Variants in KLHL1 observed in about 807,000 individuals in gnomAD.
KLHL1 encodes the protein kelch like family member 1.
A neutral mutation model predicts 77.7 loss-of-function variants in KLHL1; 47 were observed. The observed-to-expected ratio is 0.60, with a 90% CI of 0.48 to 0.77. The LOEUF (loss-of-function observed/expected upper bound fraction) is 0.77. Among genes scored for constraint, KLHL1 ranks in the 30% least tolerant of loss-of-function variants. KLHL1 has a pLI of 0.00. For synonymous variants in KLHL1, 360 were observed against 325.2 expected, an observed-to-expected ratio of 1.11 and a Z score of -1.15; for missense variants, 925 against 910.8, an observed-to-expected ratio of 1.02 and a Z score of -0.20.
chr13:69,758,199 T>C (rs1253302023), intron 7 of KLHL1, among the ~76,000 whole-genome samples: 1 of 152,088 alleles, frequency 6.6e-6, no homozygotes, highest in African/African-American at 2.4e-5. Flanking sequence ...CACTATCTCT[T>C]ATTAATGATG....
chr13:70,090,547 T>G (rs1887648468), intron 1 of KLHL1, among the ~76,000 whole-genome samples: 1 of 152,080 alleles, frequency 6.6e-6, no homozygotes, highest in South Asian at 2.1e-4. Flanking sequence ...TCTCTTGCTT[T>G]CTTTGACAGA....
At chr13:70,099,533 T>C (rs1438351653) in intron 1 of KLHL1, among the ~76,000 whole-genome samples, 1 of 151,960 alleles carries the variant, frequency 6.6e-6, no homozygotes, top group Non-Finnish European at 1.5e-5. Context: ...GATGACTCCT[T>C]GGGCCATATA....
intron 6 of KLHL1, among the ~76,000 whole-genome samples, chr13:69,823,996 A>G (rs1254098650): frequency 1.3e-5 from 2 of 151,944 alleles, no homozygotes; most frequent in Non-Finnish European, 2.9e-5. Context: ...ATATATATGT[A>G]TATGTGCATA....
At chr13:69,969,851 A>G (rs1374308897) in intron 2 of KLHL1, among the ~76,000 whole-genome samples, 1 of 152,218 alleles carries the variant, frequency 6.6e-6, no homozygotes, top group Non-Finnish European at 1.5e-5. Flanking sequence ...GGAGTAAAAC[A>G]TGCATAAAGA....
chr13:69,839,082 G>A lies in KLHL1; in HGVS notation c.1308C>T (p.Tyr436=), dbSNP rs769655760. The change falls in exon 6 of 11, where the codon TAC becomes TAT. Residue 436 remains tyrosine, a synonymous_variant. Coordinates refer to ENST00000377844, the MANE Select transcript of KLHL1 (RefSeq NM_020866.3). ...AAGTTCTTCTTTCTGGCAATAGATGGTATTTCATTGCTTCTAGAATCAGCT... is the reference window on the plus strand; with the variant it reads ...AAGTTCTTCTTTCTGGCAATAGATGATATTTCATTGCTTCTAGAATCAGCT... ...CQKLILEAMK[Y]HLLPERRTLM... 1 of 1,608,282 alleles carries A rather than the reference G, an allele frequency of 6.2e-7. No homozygotes were observed. Among genetic ancestry groups the A allele is most frequent in the Non-Finnish European group, 8.5e-7 (1 of 1,176,332 alleles).
chr13:69,846,188 A>G (rs1395629321), intron 5 of KLHL1, among the ~76,000 whole-genome samples: 1 of 151,570 alleles, frequency 6.6e-6, no homozygotes, highest in East Asian at 1.9e-4. Context: ...GATAAAAGAT[A>G]CAGAGCATAA....
intron 5 of KLHL1, among the ~76,000 whole-genome samples, chr13:69,879,355 T>G (rs1393888759): frequency 3.3e-5 from 5 of 152,142 alleles, no homozygotes; most frequent in Non-Finnish European, 1.5e-5. Context: ...TACAACTCTT[T>G]TCTATTTTTT....
chr13:69,980,246 GTAAGAAT>G (rs1218475649), intron 1 of KLHL1, among the ~76,000 whole-genome samples: 3 of 152,150 alleles, frequency 2.0e-5, no homozygotes, highest in African/African-American at 4.8e-5. Flanking sequence ...ATTTACTTCT[GTAAGAAT>G]AGATTGTTAA....
chr13:69,993,389 C>A (rs1885073458), intron 1 of KLHL1, among the ~76,000 whole-genome samples: 1 of 152,058 alleles, frequency 6.6e-6, no homozygotes, highest in South Asian at 2.1e-4. Context: ...GTACAGCCTG[C>A]ATTCCATGGG....
intron 3 of KLHL1, among the ~76,000 whole-genome samples, chr13:69,955,061 A>T (rs1593983797): frequency 6.6e-6 from 1 of 151,260 alleles, no homozygotes; most frequent in East Asian, 1.9e-4. Context: ...AATCAAGAAT[A>T]GAATTTTCCA....
intron 1 of KLHL1, among the ~76,000 whole-genome samples, chr13:69,979,304 T>C (rs1039213899): frequency 6.6e-6 from 1 of 152,116 alleles, no homozygotes; most frequent in Admixed American, 6.6e-5. Context: ...TAAATGGTTA[T>C]GTTTGTTTCA....
At chr13:69,704,678 C>T (rs563488808) in intron 10 of KLHL1, among the ~76,000 whole-genome samples, 3 of 151,724 alleles carry the variant, frequency 2.0e-5, no homozygotes, top group Non-Finnish European at 4.4e-5. Context: ...CACATAAGTA[C>T]ATTTTCAATG....
chr13:70,086,241 G>A (rs1480543618), intron 1 of KLHL1, among the ~76,000 whole-genome samples: 2 of 151,274 alleles, frequency 1.3e-5, no homozygotes, highest in Admixed American at 6.6e-5. Flanking sequence ...TCTGAAGTTC[G>A]TATCTCAGCC....
rs544625516 is a variant in KLHL1, at chr13:70,019,374, G to A, written c.498-43572C>T. On this transcript the variant is annotated intron_variant, in intron 1 of 10. Transcript: ENST00000377844. ...AACTGAGTAAGCTATAAAAGTTAAT[G>A]AAGGTCCACTCACAAGGAAGTAAGA... Among the ~76,000 whole-genome samples the A allele has an allele frequency of 1.2e-4, 19 of 152,176 alleles. No individual in the cohort carries two copies. In the East Asian group the frequency reaches 3.7e-3, roughly 29 times the overall value.
chr13:69,791,048 A>AACAC (rs200973987), intron 7 of KLHL1, among the ~76,000 whole-genome samples: 1 of 150,848 alleles, frequency 6.6e-6, no homozygotes, highest in Non-Finnish European at 1.5e-5. Context: ...CTGTGGGGGA[A>AACAC]ACACACACAC....
chr13:69,975,612 T>C lies in KLHL1; in HGVS notation c.680+8A>G. 1 of 1,611,516 alleles carries C rather than the reference T, an allele frequency of 6.2e-7. No homozygotes were observed. Among genetic ancestry groups the C allele is most frequent in the Non-Finnish European group, 8.5e-7 (1 of 1,178,778 alleles). On this transcript the variant is annotated splice_region_variant and intron_variant, in intron 2 of 10. Coordinates refer to ENST00000377844, the MANE Select transcript of KLHL1 (RefSeq NM_020866.3). ...ATGCATGTTTCCAGTAGAGGCAGAC[T>C]ACTGTACCTATGTGCAGGTATCTTT... is the stretch of plus-strand genomic sequence containing the variant.
At chr13:69,797,800 G>T (rs911953934) in intron 6 of KLHL1, among the ~76,000 whole-genome samples, 1 of 147,184 alleles carries the variant, frequency 6.8e-6, no homozygotes, top group African/African-American at 2.5e-5. Context: ...CTGCACCCCA[G>T]CCTGGGTGAC....
At chr13:70,055,860 C>T (rs1311895489) in intron 1 of KLHL1, among the ~76,000 whole-genome samples, 1 of 151,704 alleles carries the variant, frequency 6.6e-6, no homozygotes, top group Non-Finnish European at 1.5e-5. Context: ...ATCATACTAC[C>T]AGATAAAAAT....
chr13:69,755,708 T>C (rs1437932163), intron 7 of KLHL1, among the ~76,000 whole-genome samples: 4 of 149,066 alleles, frequency 2.7e-5, no homozygotes, highest in Non-Finnish European at 6.0e-5. Context: ...TAAAAAGTCA[T>C]TCAACAAGAT....
Sources: allele counts gnomAD v4.1 joint callset (sites outside exome capture counted in the v4.1 genomes callset), GRCh38; gene constraint gnomAD v4.1.1; transcripts MANE v1.5; gene names NCBI Gene and HGNC (gene_info 2026-07-23, HGNC 2026-07-21).